CEP290: variants seen among roughly 807,000 people sequenced by gnomAD.
The protein encoded by CEP290 is centrosomal protein 290.
Under a neutral mutation model 344.9 loss-of-function variants are expected in CEP290, and 317 were observed. The ratio of observed to expected loss-of-function variants is 0.92; its 90% CI spans 0.84 to 1.01. The LOEUF (loss-of-function observed/expected upper bound fraction) is 1.01. Among genes scored for constraint, CEP290 ranks in the 50% least tolerant of loss-of-function variants. CEP290 has a pLI of 0.00. For synonymous variants in CEP290, 932 were observed against 895.8 expected (o/e 1.04, Z -0.72); for missense variants, 2,754 against 2,761.4 (o/e 1.00, Z 0.06).
Position 88,080,227 on chromosome 12 carries a change from T to A in CEP290, c.5181A>T (p.Val1727=), listed in dbSNP as rs1002651698. The change falls in exon 38 of 54, where the codon GTA becomes GTT. Residue 1727 remains valine, a synonymous_variant. Coordinates refer to ENST00000552810, the MANE Select transcript of CEP290 (RefSeq NM_025114.4). ...RAPTTTMRNL[V]ERLKSQLALK... is the part of the protein sequence containing the mutation. ...AGGCTAATTGGCTCTTTAGCCGTTC[T>A]ACTAGATTTCTCATTGTAGTTGTTG... 2.5e-6 allele frequency: 4 copies of A among 1,613,192 alleles called. No individual in the cohort carries two copies. In the African/African-American group the frequency reaches 5.3e-5, roughly 22 times the overall value.
chr12:88,106,185 T>G (rs762052262), intron 25 of CEP290, among the ~76,000 whole-genome samples: 6 of 152,294 alleles, frequency 3.9e-5, no homozygotes, highest in South Asian at 4.1e-4. Flanking sequence ...TAAACCTGAA[T>G]GTAACTTAGG....
At chr12:88,097,022 T>G in intron 26 of CEP290, 23 bp from the exon 27 acceptor site, 1 of 1,187,258 alleles carries the variant, frequency 8.4e-7, no homozygotes, top group Non-Finnish European at 1.2e-6. Flanking sequence ...AAAATATCAC[T>G]AAGAAACTAC....
At position 88,098,431 on chromosome 12, in the gene CEP290, G is replaced by A. The variant is rs544981354; in HGVS notation, c.2992-1432C>T. On this transcript the variant is annotated intron_variant, in intron 26 of 53. Transcript: ENST00000552810. ...TTGAGACCAGCCTGGGCAACAAAGT[G>A]AGACCTCATCTCTACAAAAAAACAC... Among the ~76,000 whole-genome samples the A allele has an allele frequency of 2.6e-5, 4 of 152,046 alleles. No individual in the cohort carries two copies. The South Asian group carries it at 6.2e-4, about 24-fold the overall frequency.
chr12:88,129,919 A>C, intron 9 of CEP290, 43 bp from the exon 10 acceptor site: 1 of 1,238,896 alleles, frequency 8.1e-7, no homozygotes, highest in Non-Finnish European at 1.1e-6. Context: ...TAATTTTAAA[A>C]AAACTGAAAT....
Position 88,116,137 on chromosome 12 carries a change from C to CA in CEP290, c.1824+895dup, listed in dbSNP as rs1458932131. On this transcript the variant is annotated intron_variant, in intron 18 of 53. Transcript: ENST00000552810. ...TGAAAAGATGAATTGCTTTTTTGTA[C>CA]AAAACTAGTCTTCTCTAGTGCTTGA... 6.1e-6 allele frequency: 5 copies of CA among 825,274 alleles called. No individual in the cohort carries two copies. In the African/African-American group the frequency reaches 7.4e-5, roughly 12 times the overall value. The allele number at this position is 825,274 out of a possible 1,614,324, so 51.1% of individuals were successfully genotyped here. A position where few individuals can be genotyped will look rare whatever the true frequency, so the allele number is the denominator to read the frequency against.
Position 88,107,002 on chromosome 12 carries a change from T to C in CEP290, c.2580A>G (p.Glu860=), listed in dbSNP as rs1592590783. 1 of 1,544,010 alleles carries C rather than the reference T, an allele frequency of 6.5e-7. No homozygotes were observed. The highest frequency in any genetic ancestry group is 8.7e-7 in the Non-Finnish European group (1 of 1,143,006). The change falls in exon 24 of 54, where the codon GAA becomes GAG. Residue 860 remains glutamate, a synonymous_variant. Transcript: ENST00000552810. ...QVQQDAIKVK[E]YNNLLNALQM... ...TTAAAAATGTTTTACTTACATTATA[T>C]TCTTTTACTTTTATAGCATCTTGTT...
At position 88,087,931 on chromosome 12, in the gene CEP290, T is replaced by C. The variant is rs1285246761; in HGVS notation, c.4043A>G (p.His1348Arg). 1 of 1,172,572 alleles carries C rather than the reference T, an allele frequency of 8.5e-7. No individual in the cohort carries two copies. Among genetic ancestry groups the C allele is most frequent in the Admixed American group, 4.2e-5 (1 of 24,052 alleles). 72.6% of individuals were successfully genotyped at this position (1,172,572 alleles called of 1,614,324 possible). Reference protein sequence around the residue: ...TKGAQKVINWHMKIEELRLQE... With the variant: ...TKGAQKVINWRMKIEELRLQE... ...AAGACGAAGTTCTTCTATTTTCATA[T>C]GCCAGTTGATTACCTAAGATTTACA... Residue 1348 changes from histidine to arginine, a missense_variant, in exon 32 of 54, where the codon CAT becomes CGT. Physicochemically the swap from His to Arg is conservative, Grantham distance 29. Transcript: ENST00000552810.
At chr12:88,113,417 T>C (rs940206359) in intron 20 of CEP290, among the ~76,000 whole-genome samples, 22 of 152,008 alleles carry the variant, frequency 1.4e-4, no homozygotes, top group Admixed American at 1.2e-3. Context: ...ATAATGGGAA[T>C]CAAATTATTT....
chr12:88,111,743 C>T lies in CEP290; in HGVS notation c.2168G>A (p.Arg723Gln), dbSNP rs764117043. ...EELRQELRES[R>Q]KEAINYSQQL... is the part of the protein sequence containing the mutation. The stretch of plus-strand genomic sequence containing the variant: ...CTGTGAATAATTTATAGCCTCTTTC[C>T]GAGATTCCCTGAGCTCCTGTCTTAA... Residue 723 changes from arginine to glutamine, a missense_variant, in exon 21 of 54, where the codon CGG becomes CAG. Coordinates refer to ENST00000552810, the MANE Select transcript of CEP290 (RefSeq NM_025114.4). 1.1e-5 allele frequency: 17 copies of T among 1,601,170 alleles called. No individual in the cohort carries two copies. Among genetic ancestry groups the T allele is most frequent in the African/African-American group, 5.4e-5 (4 of 74,094 alleles).
Position 88,064,075 on chromosome 12 carries a change from T to C in CEP290, c.6176A>G (p.Gln2059Arg), listed in dbSNP as rs1271977782. The change falls in exon 45 of 54, where the codon CAG (glutamine) becomes CGG (arginine). Residue 2059 changes from glutamine to arginine, a missense_variant. Physicochemically the swap from Gln to Arg is conservative, Grantham distance 43. Coordinates refer to ENST00000552810, the MANE Select transcript of CEP290 (RefSeq NM_025114.4). The stretch of plus-strand genomic sequence containing the variant: ...CTTCAAGTTTTCCTTCTGAAGCTCC[T>C]GTTCTCTCTGACAATGATCATCTGA... Reference protein sequence around the residue: ...IESDDHCQREQELQKENLKLS... With the variant: ...IESDDHCQRERELQKENLKLS... The C allele has an allele frequency of 1.3e-6, 2 of 1,583,936 alleles. No individual in the cohort carries two copies. The highest frequency in any genetic ancestry group is 1.7e-6 in the Non-Finnish European group (2 of 1,163,070).
At chr12:88,078,503 G>A (rs1382330119) in intron 39 of CEP290, among the ~76,000 whole-genome samples, 1 of 152,022 alleles carries the variant, frequency 6.6e-6, no homozygotes, top group East Asian at 1.9e-4. Flanking sequence ...GGTTGCCAGG[G>A]GTTTGGTGAG....
intron 53 of CEP290, chr12:88,049,731 AT>A (rs2033299545): frequency 1.1e-5 from 2 of 178,752 alleles, no homozygotes; most frequent in South Asian, 3.3e-4. Flanking sequence ...AATCAAAAAG[AT>A]TTTGTGATTC....
chr12:88,081,480 T>C (rs945485719), intron 37 of CEP290, among the ~76,000 whole-genome samples: 2 of 152,224 alleles, frequency 1.3e-5, no homozygotes, highest in South Asian at 2.1e-4. Context: ...GTTGTGCATA[T>C]GGACACTGCA....
chr12:88,128,675 T>C lies in CEP290; in HGVS notation c.942+271A>G, dbSNP rs2471520. Among the ~76,000 whole-genome samples, 118,678 of 152,042 alleles carry C rather than the reference T, an allele frequency of 0.78. 50,395 individuals are homozygous for C. Among genetic ancestry groups the C allele is most frequent in the East Asian group, 0.96 (4,994 of 5,178 alleles). ...AAATTATATTTCGAATTATATATTT[T>C]AGATGCCAAATATATTTTGGAGTTA... On this transcript the variant is annotated intron_variant, in intron 11 of 53. Coordinates refer to ENST00000552810, the MANE Select transcript of CEP290 (RefSeq NM_025114.4).
chr12:88,057,043 T>C (rs2136676369), intron 49 of CEP290, among the ~76,000 whole-genome samples: 1 of 152,256 alleles, frequency 6.6e-6, no homozygotes, highest in African/African-American at 2.4e-5. Context: ...ACCTGTATCG[T>C]TCTCAGACGA....
chr12:88,127,894 G>A (rs1054279573), intron 11 of CEP290, among the ~76,000 whole-genome samples: 21 of 152,006 alleles, frequency 1.4e-4, no homozygotes, highest in African/African-American at 2.9e-4. Context: ...AATACTATAC[G>A]TACTGATATA....
At position 88,086,034 on chromosome 12, in the gene CEP290, A is replaced by C. The variant is rs1353308217; in HGVS notation, c.4437+5T>G. ...ACTAATCAAAATGCAAATTCTTCTA[A>C]TTACCTCTTCTAGTGATTTGCAAGT... On this transcript the variant is annotated splice_donor_5th_base_variant and intron_variant, in intron 34 of 53. Transcript: ENST00000552810. 1 of 1,604,652 alleles carries C rather than the reference A, an allele frequency of 6.2e-7. No homozygotes were observed. The highest frequency in any genetic ancestry group is 1.3e-5 in the African/African-American group (1 of 74,796).
At chr12:88,057,354 G>T (rs573200974) in intron 49 of CEP290, among the ~76,000 whole-genome samples, 1 of 152,244 alleles carries the variant, frequency 6.6e-6, no homozygotes, top group East Asian at 1.9e-4. Context: ...GGCAATAGGA[G>T]GTACTAAGTA....
At chr12:88,113,008 T>C (rs957979767) in intron 20 of CEP290, among the ~76,000 whole-genome samples, 3 of 152,128 alleles carry the variant, frequency 2.0e-5, no homozygotes, top group African/African-American at 7.2e-5. Flanking sequence ...TCCAGCATTG[T>C]CTGGTCTAAA....
Sources: allele counts gnomAD v4.1 joint callset (sites outside exome capture counted in the v4.1 genomes callset), GRCh38; gene constraint gnomAD v4.1.1; transcripts MANE v1.5; gene names NCBI Gene and HGNC (gene_info 2026-07-23, HGNC 2026-07-21).